MGMT: variants seen among roughly 807,000 people sequenced by gnomAD.
The protein encoded by MGMT is O-6-methylguanine-DNA methyltransferase.
In MGMT, 14 loss-of-function variants were observed where a neutral mutation model predicts 15.9. That is an observed-to-expected ratio of 0.88 (90% CI 0.58 to 1.37). The LOEUF (loss-of-function observed/expected upper bound fraction) is 1.37. Ranked by LOEUF, MGMT falls within the 40% of genes most tolerant of loss-of-function variation. The pLI is 0.00. For synonymous variants in MGMT, 130 were observed against 118.2 expected, an observed-to-expected ratio of 1.10 and a Z score of -0.65; for missense variants, 282 against 268.1, an observed-to-expected ratio of 1.05 and a Z score of -0.36.
chr10:129,624,093 C>T (rs908454202), intron 2 of MGMT, among the ~76,000 whole-genome samples: 1 of 152,278 alleles, frequency 6.6e-6, no homozygotes, highest in African/African-American at 2.4e-5. Context: ...ACACGCTCAG[C>T]GCCTGCGCGA....
intron 3 of MGMT, among the ~76,000 whole-genome samples, chr10:129,734,639 A>G (rs1267056759): frequency 1.3e-5 from 2 of 152,068 alleles, no homozygotes; most frequent in Non-Finnish European, 1.5e-5. Flanking sequence ...GTCTTGTGCC[A>G]GTTTTCAAAG....
chr10:129,649,089 C>T (rs1309820810), intron 2 of MGMT, among the ~76,000 whole-genome samples: 2 of 152,182 alleles, frequency 1.3e-5, no homozygotes, highest in East Asian at 3.8e-4. Context: ...TTCAATAGAA[C>T]ACTCCAAGTA....
At chr10:129,682,492 C>T (rs1847863900) in intron 2 of MGMT, among the ~76,000 whole-genome samples, 2 of 151,806 alleles carry the variant, frequency 1.3e-5, no homozygotes, top group East Asian at 2.0e-4. Flanking sequence ...CAGATGACTT[C>T]GTAGGTGTAG....
chr10:129,711,744 G>A (rs1397049408), intron 3 of MGMT, among the ~76,000 whole-genome samples: 1 of 152,096 alleles, frequency 6.6e-6, no homozygotes, highest in Non-Finnish European at 1.5e-5. Flanking sequence ...GTCGTACAAC[G>A]TAGCTTTTTA....
At chr10:129,555,574 G>C (rs1028696449) in intron 2 of MGMT, among the ~76,000 whole-genome samples, 2 of 152,012 alleles carry the variant, frequency 1.3e-5, no homozygotes, top group African/African-American at 4.8e-5. Flanking sequence ...AATTATCCAG[G>C]CCTGGTGGAA....
chr10:129,767,169 T>C lies in MGMT; in HGVS notation c.*172T>C. ...GGATGAGTTCAGACGCCCGCGGTCCTGCACACATTTGTTTCCTTCTCTAAC... is the reference window on the plus strand; with the variant it reads ...GGATGAGTTCAGACGCCCGCGGTCCCGCACACATTTGTTTCCTTCTCTAAC... On this transcript the variant is annotated 3_prime_UTR_variant, in exon 5 of 5. Transcript: ENST00000651593. 2 of 570,130 alleles carry C rather than the reference T, an allele frequency of 3.5e-6. No homozygotes were observed. Among genetic ancestry groups the C allele is most frequent in the South Asian group, 2.4e-5 (1 of 42,438 alleles). 35.3% of individuals were successfully genotyped at this position (570,130 alleles called of 1,614,324 possible). A position where few individuals can be genotyped will look rare whatever the true frequency, so the allele number is the denominator to read the frequency against.
At chr10:129,686,396 A>C (rs931893525) in intron 2 of MGMT, among the ~76,000 whole-genome samples, 1 of 151,866 alleles carries the variant, frequency 6.6e-6, no homozygotes, top group South Asian at 2.1e-4. Flanking sequence ...TTTTTTTGAG[A>C]CAGAGTCTCG....
At chr10:129,536,758 A>G (rs1267561622) in intron 2 of MGMT, 1 of 149,200 alleles carries the variant, frequency 6.7e-6, no homozygotes, top group African/African-American at 2.6e-5. Flanking sequence ...AATCTTGATT[A>G]AAAAAAAAAG....
intron 2 of MGMT, among the ~76,000 whole-genome samples, chr10:129,645,314 G>A (rs1398078344): frequency 1.3e-5 from 2 of 151,964 alleles, no homozygotes; most frequent in East Asian, 1.9e-4. Flanking sequence ...TAGAGATGAG[G>A]TTTTACCATG....
intron 2 of MGMT, among the ~76,000 whole-genome samples, chr10:129,578,954 A>AT (rs11442309): frequency 0.21 from 31,932 of 152,074 alleles, 4,326 homozygotes; most frequent in Non-Finnish European, 0.3. Context: ...GACATCAGTC[A>AT]TTTGTGCATT....
chr10:129,578,920 T>C (rs995563862), intron 2 of MGMT, among the ~76,000 whole-genome samples: 1 of 151,784 alleles, frequency 6.6e-6, no homozygotes, highest in Non-Finnish European at 1.5e-5. Flanking sequence ...ACTTAAGGCA[T>C]TTTATAAACT....
intron 2 of MGMT, among the ~76,000 whole-genome samples, chr10:129,586,180 A>G (rs1270144415): frequency 6.6e-6 from 1 of 152,188 alleles, no homozygotes; most frequent in African/African-American, 2.4e-5. Context: ...GTTGATCTCA[A>G]GTAATTGAAA....
At chr10:129,712,397 C>G (rs920227557) in intron 3 of MGMT, among the ~76,000 whole-genome samples, 1 of 152,202 alleles carries the variant, frequency 6.6e-6, no homozygotes, top group Admixed American at 6.5e-5. Context: ...TATTGGCTTA[C>G]AGCTATGAAA....
chr10:129,644,735 A>T (rs1345934853), intron 2 of MGMT, among the ~76,000 whole-genome samples: 2 of 152,238 alleles, frequency 1.3e-5, no homozygotes, highest in Non-Finnish European at 2.9e-5. Context: ...ATAAAGCTAT[A>T]GCTGTTATTG....
intron 1 of MGMT, among the ~76,000 whole-genome samples, chr10:129,485,502 C>G: frequency 6.6e-6 from 1 of 152,152 alleles, no homozygotes; most frequent in South Asian, 2.1e-4. Context: ...GTTGAGCACC[C>G]CTAATTCAAA....
At chr10:129,756,758 G>A (rs1302595586) in intron 3 of MGMT, among the ~76,000 whole-genome samples, 3 of 152,168 alleles carry the variant, frequency 2.0e-5, no homozygotes, top group Admixed American at 6.5e-5. Context: ...GTGAGCCACC[G>A]CGCCTGGACC....
chr10:129,571,917 C>T (rs773538083), intron 2 of MGMT, among the ~76,000 whole-genome samples: 11 of 152,184 alleles, frequency 7.2e-5, no homozygotes, highest in East Asian at 1.9e-4. Flanking sequence ...AGTGCGACAG[C>T]GGGCTCCCTG....
At chr10:129,599,698 C>T (rs777379263) in intron 2 of MGMT, among the ~76,000 whole-genome samples, 6 of 152,152 alleles carry the variant, frequency 3.9e-5, no homozygotes, top group South Asian at 2.1e-4. Flanking sequence ...TCACTGAGGC[C>T]GGCAAGTCTG....
intron 2 of MGMT, among the ~76,000 whole-genome samples, chr10:129,560,519 AC>A (rs1846264441): frequency 6.6e-6 from 1 of 152,036 alleles, no homozygotes; most frequent in Non-Finnish European, 1.5e-5. Flanking sequence ...ATGCACTTTG[AC>A]CCTGTTCTGC....
Sources: allele counts gnomAD v4.1 joint callset (sites outside exome capture counted in the v4.1 genomes callset), GRCh38; gene constraint gnomAD v4.1.1; transcripts MANE v1.5; gene names NCBI Gene and HGNC (gene_info 2026-07-23, HGNC 2026-07-21).